Variants in KIR3DL3 observed in about 807,000 individuals in gnomAD.
KIR3DL3 encodes killer cell immunoglobulin-like receptor 3DL3.
Under a neutral mutation model 34.9 loss-of-function variants are expected in KIR3DL3, and 27 were observed. The ratio of observed to expected loss-of-function variants is 0.77; its 90% CI spans 0.57 to 1.07. The LOEUF is 1.07. Among genes scored for constraint, KIR3DL3 ranks in the 50% least tolerant of loss-of-function variants. KIR3DL3 has a pLI of 0.00. For missense variants in KIR3DL3, 681 were observed against 528.5 expected, an observed-to-expected ratio of 1.29 and a Z score of -2.83; for synonymous variants, 217 against 200.2, an observed-to-expected ratio of 1.08 and a Z score of -0.71.
In KIR3DL3 at chr19:54,726,212, G is replaced by T; in HGVS notation, c.230G>T (p.Arg77Leu). The change falls in exon 3 of 8, where the codon CGG (arginine) becomes CTG (leucine). Residue 77 changes from arginine (R) to leucine (L), a missense_variant. Arg to Leu is a moderately radical substitution (Grantham distance 102). Coordinates refer to ENST00000291860, the MANE Select transcript of KIR3DL3 (RefSeq NM_153443.5). ...PVPELYNRIF[R>L]NSFLMGPVTP... ...CCTGAGCTCTACAACAGAATATTCC[G>T]GAACAGCTTTCTCATGGGCCCTGTG... is the stretch of plus-strand genomic sequence containing the variant. 1.2e-6 allele frequency: 2 copies of T among 1,613,650 alleles called. No individual in the cohort carries two copies. Among genetic ancestry groups the T allele is most frequent in the Middle Eastern group, 1.6e-4 (1 of 6,062 alleles).
intron 3 of KIR3DL3, among the ~76,000 whole-genome samples, chr19:54,726,913 C>T (rs2068245026): frequency 8.0e-6 from 1 of 124,872 alleles, no homozygotes; most frequent in African/African-American, 2.9e-5. Flanking sequence ...TGGAAGAGGT[C>T]ATTGTATTCT....
Position 54,726,085 on chromosome 19 carries a change from C to A in KIR3DL3, c.103C>A (p.Pro35Thr), listed in dbSNP as rs1169946505. 67 of 1,612,990 alleles carry A rather than the reference C, an allele frequency of 4.2e-5. No homozygotes were observed. Among genetic ancestry groups the A allele is most frequent in the Non-Finnish European group, 5.1e-5 (60 of 1,179,454 alleles). ...GQDKPFLSAW[P>T]GTVVSEGQHV... The stretch of plus-strand genomic sequence containing the variant: ...GGACAAGCCCTTCCTCTCTGCCTGG[C>A]CCGGCACTGTGGTGTCTGAAGGACA... Residue 35 changes from proline (P) to threonine (T), a missense_variant, in exon 3 of 8, where the codon CCC becomes ACC. Pro to Thr is a conservative substitution (Grantham distance 38). Coordinates refer to ENST00000291860, the MANE Select transcript of KIR3DL3 (RefSeq NM_153443.5).
At chr19:54,735,909 A>T in intron 7 of KIR3DL3, 37 bp downstream of exon 7, 1 of 1,605,830 alleles carries the variant, frequency 6.2e-7, no homozygotes, top group South Asian at 1.1e-5. Flanking sequence ...GGCTAGTCTT[A>T]TTCCCAAAGA....
At chr19:54,726,368 G>C in intron 3 of KIR3DL3, 31 bp downstream of exon 3, 5 of 1,601,692 alleles carry the variant, frequency 3.1e-6, no homozygotes, top group Non-Finnish European at 4.3e-6. Context: ...GCTTCTCACT[G>C]TCCCACCTCC....
chr19:54,735,274 T>C lies in KIR3DL3; in HGVS notation c.971T>C (p.Val324Ala), dbSNP rs662386. 315,909 of 1,347,516 alleles carry C rather than the reference T, an allele frequency of 0.23. 45,797 individuals carry two copies. The highest frequency in any genetic ancestry group is 0.38 in the South Asian group (30,415 of 79,288). The allele number at this position is 1,347,516 out of a possible 1,614,324, so 83.5% of individuals were successfully genotyped here. A position where few individuals can be genotyped will look rare whatever the true frequency, so the allele number is the denominator to read the frequency against. The change falls in exon 6 of 8, where the codon GTT (valine) becomes GCT (alanine). Residue 324 changes from valine (V) to alanine (A), a missense_variant. Val to Ala is a moderately conservative substitution (Grantham distance 64). Coordinates refer to ENST00000291860, the MANE Select transcript of KIR3DL3 (RefSeq NM_153443.5). ...CCAGGTAACTCCAGAAACCTGCACG[T>C]TCTGATTGGGACCTCAGTGGTCATC... ...SVTGNSRNLH[V>A]LIGTSVVIIP...
Position 54,727,720 on chromosome 19 carries a change from G to T in KIR3DL3, c.465G>T (p.Leu155=). 1.2e-6 allele frequency: 2 copies of T among 1,613,068 alleles called. No individual in the cohort carries two copies. Among genetic ancestry groups the T allele is most frequent in the African/African-American group, 1.3e-5 (1 of 74,790 alleles). Residue 155 remains leucine, a synonymous_variant, in exon 4 of 8, where the codon CTG becomes CTT. Coordinates refer to ENST00000291860, the MANE Select transcript of KIR3DL3 (RefSeq NM_153443.5). The stretch of plus-strand genomic sequence containing the variant: ...ATGTCAGGTTTGAGCGCTTCCTTCT[G>T]CACAGAGAGGGGATCACTGAGGACC... The part of the protein sequence containing the change: ...WSDVRFERFL[L]HREGITEDPL...
intron 5 of KIR3DL3, among the ~76,000 whole-genome samples, chr19:54,734,064 G>C (rs2029880746): frequency 6.6e-6 from 1 of 152,024 alleles, no homozygotes; most frequent in South Asian, 2.1e-4. Flanking sequence ...TGTTGTTCCT[G>C]GGCTACATCA....
At position 54,730,458 on chromosome 19, in the gene KIR3DL3, C is replaced by G. The variant is rs1189896397; in HGVS notation, c.949+672C>G. 3.9e-4 allele frequency among the ~76,000 whole-genome samples: 59 copies of G among 150,362 alleles called. 1 individual carries two copies. The highest frequency in any genetic ancestry group is 1.3e-3 in the African/African-American group (54 of 40,844). ...GCATGGTGGCACATGCCTGTAGTCC[C>G]AGCTACTTGGTAGGGTTGGGCAGGA... On this transcript the variant is annotated intron_variant, in intron 5 of 7. Transcript: ENST00000291860.
At position 54,736,550 on chromosome 19, in the gene KIR3DL3, C is replaced by A. The variant is rs1281476361; in HGVS notation, c.*454C>A. 3.6e-3 allele frequency: 526 copies of A among 148,158 alleles called. 6 individuals are homozygous for A. Among genetic ancestry groups the A allele is most frequent in the African/African-American group, 0.016 (491 of 30,000 alleles). 9.2% of individuals were successfully genotyped at this position (148,158 alleles called of 1,614,324 possible). A position where few individuals can be genotyped will look rare whatever the true frequency, so the allele number is the denominator to read the frequency against. ...ACCTTTCCTCAGAGTATCTTTCAGC[C>A]TTCTGTCAGCAGTAAAACTTATAAA... On this transcript the variant is annotated 3_prime_UTR_variant, in exon 8 of 8. Coordinates refer to ENST00000291860, the MANE Select transcript of KIR3DL3 (RefSeq NM_153443.5).
chr19:54,733,949 C>A (rs1427949232), intron 5 of KIR3DL3, among the ~76,000 whole-genome samples: 1 of 152,146 alleles, frequency 6.6e-6, no homozygotes. Context: ...CACAGAAGGA[C>A]AGGCTGTATT....
Position 54,735,816 on chromosome 19 carries a change from A to G in KIR3DL3, c.1055-4A>G, listed in dbSNP as rs1295103367. ...GCTGTTTTGACGACTTCCGTCTTCTACAGATGCTGTTGTAATGGACCAAGA... is the reference window on the plus strand; with the variant it reads ...GCTGTTTTGACGACTTCCGTCTTCTGCAGATGCTGTTGTAATGGACCAAGA... On this transcript the variant is annotated splice_region_variant and splice_polypyrimidine_tract_variant and intron_variant, in intron 6 of 7. Coordinates refer to ENST00000291860, the MANE Select transcript of KIR3DL3 (RefSeq NM_153443.5). 1 of 1,608,076 alleles carries G rather than the reference A, an allele frequency of 6.2e-7. No homozygotes were observed. Among genetic ancestry groups the G allele is most frequent in the Non-Finnish European group, 8.5e-7 (1 of 1,178,390 alleles).
At chr19:54,729,048 C>T (rs2068508286) in intron 4 of KIR3DL3, among the ~76,000 whole-genome samples, 1 of 148,248 alleles carries the variant, frequency 6.7e-6, no homozygotes, top group African/African-American at 2.5e-5. Flanking sequence ...TACATACATA[C>T]ATTGATTGAT....
intron 5 of KIR3DL3, among the ~76,000 whole-genome samples, chr19:54,733,549 T>TTTAA (rs1555879224): frequency 3.3e-5 from 5 of 151,834 alleles, no homozygotes; most frequent in African/African-American, 9.7e-5. Context: ...ACATACATAA[T>TTTAA]TATGACACAC....
chr19:54,735,138 G>T lies in KIR3DL3; in HGVS notation c.950-115G>T. 11 of 827,692 alleles carry T rather than the reference G, an allele frequency of 1.3e-5. No homozygotes were observed. In the South Asian group the frequency reaches 1.6e-4, roughly 12 times the overall value. The allele number at this position is 827,692 out of a possible 1,614,324, so 51.3% of individuals were successfully genotyped here. On this transcript the variant is annotated intron_variant, in intron 5 of 7. Transcript: ENST00000291860. ...GGAAGCTAGGTCTCCCGCCATCTGGGTGCTTGTCCTAAAGAGACGTTGTAT... is the reference window on the plus strand; with the variant it reads ...GGAAGCTAGGTCTCCCGCCATCTGGTTGCTTGTCCTAAAGAGACGTTGTAT...
rs1219500766 is a variant in KIR3DL3, at chr19:54,727,846, T to A, written c.591T>A (p.Gly197=). 1.2e-6 allele frequency: 2 copies of A among 1,613,850 alleles called. No individual in the cohort carries two copies. The highest frequency in any genetic ancestry group is 1.7e-6 in the Non-Finnish European group (2 of 1,179,972). Residue 197 remains glycine, a synonymous_variant, in exon 4 of 8, where the codon GGT becomes GGA. Coordinates refer to ENST00000291860, the MANE Select transcript of KIR3DL3 (RefSeq NM_153443.5). ...PALAGTYRCF[G]SVTHLPYELS... ...TTGCAGGGACCTACAGATGCTTTGG[T>A]TCTGTCACTCACTTACCCTATGAGT...
chr19:54,726,106 G>T lies in KIR3DL3; in HGVS notation c.124G>T (p.Gly42Ter). The T allele has an allele frequency of 6.2e-7, 1 of 1,613,508 alleles. No homozygotes were observed. Among genetic ancestry groups the T allele is most frequent in the Non-Finnish European group, 8.5e-7 (1 of 1,179,788 alleles). The change falls in exon 3 of 8, where the codon GGA becomes TGA. Residue 42 changes from glycine to a stop codon, truncating the protein, a stop_gained. Transcript: ENST00000291860. LOFTEE classifies it high-confidence loss of function. ...CTGGCCCGGCACTGTGGTGTCTGAA[G>T]GACAACATGTGACTCTTCAGTGTCG... ...SAWPGTVVSE[G>*]QHVTLQCRSR...
intron 5 of KIR3DL3, among the ~76,000 whole-genome samples, chr19:54,734,438 G>T (rs1224621027): frequency 6.6e-6 from 1 of 151,746 alleles, no homozygotes; most frequent in South Asian, 2.1e-4. Flanking sequence ...AAAGCTGCTC[G>T]AGACATGTGG....
Position 54,729,806 on chromosome 19 carries a change from G to A in KIR3DL3, c.949+20G>A. The A allele has an allele frequency of 6.3e-7, 1 of 1,588,678 alleles. No homozygotes were observed. The highest frequency in any genetic ancestry group is 1.1e-5 in the South Asian group (1 of 88,490). ...TCACAGGTGAGAAAACACCATGCCT[G>A]TCCCATGTCTTGTGATCCTAGAGCC... On this transcript the variant is annotated intron_variant, in intron 5 of 7. Coordinates refer to ENST00000291860, the MANE Select transcript of KIR3DL3 (RefSeq NM_153443.5).
At chr19:54,733,699 G>C (rs962207988) in intron 5 of KIR3DL3, among the ~76,000 whole-genome samples, 1 of 152,118 alleles carries the variant, frequency 6.6e-6, no homozygotes, top group African/African-American at 2.4e-5. Context: ...GGGATCATAT[G>C]GAAAATGTGA....
Sources: allele counts gnomAD v4.1 joint callset (sites outside exome capture counted in the v4.1 genomes callset), GRCh38; gene constraint gnomAD v4.1.1; transcripts MANE v1.5; gene names NCBI Gene and HGNC (gene_info 2026-07-23, HGNC 2026-07-21).